The following PTPN3 variants were observed in gnomAD, a reference collection of about 807,000 sequenced individuals.
PTPN3 encodes protein tyrosine phosphatase non-receptor type 3.
Under a neutral mutation model 132.7 loss-of-function variants are expected in PTPN3, and 96 were observed. That is an observed-to-expected ratio of 0.72 (90% CI 0.61 to 0.86). The LOEUF (loss-of-function observed/expected upper bound fraction) is 0.86, where lower values mean the gene tolerates loss of function less well. Ranked by LOEUF, PTPN3 falls within the 40% of genes least tolerant of loss-of-function variation. The probability of loss-of-function intolerance (pLI) is 0.00; values close to 1 mark genes in which losing one functional copy is unlikely to be tolerated. For missense variants in PTPN3, 1,125 were observed against 1,159.6 expected (o/e 0.97, Z 0.43); for synonymous variants, 398 against 429.0 (o/e 0.93, Z 0.89).
At chr9:109,399,039 C>T (rs1236283442) in intron 19 of PTPN3, among the ~76,000 whole-genome samples, 1 of 152,298 alleles carries the variant, frequency 6.6e-6, no homozygotes, top group East Asian at 1.9e-4. Flanking sequence ...AAAAATACCA[C>T]CAAACTGCTC....
upstream of PTPN3, among the ~76,000 whole-genome samples, chr9:109,500,979 G>A (rs1847858144): frequency 6.6e-6 from 1 of 151,810 alleles, no homozygotes; most frequent in South Asian, 2.1e-4. Flanking sequence ...TATAAACATG[G>A]TGTTGACACA....
Position 109,428,661 on chromosome 9 carries a change from A to T in PTPN3, c.788T>A (p.Phe263Tyr). 1 of 1,613,708 alleles carries T rather than the reference A, an allele frequency of 6.2e-7. No individual in the cohort carries two copies. Among genetic ancestry groups the T allele is most frequent in the South Asian group, 1.1e-5 (1 of 91,056 alleles). ...YPWVNILKIS[F>Y]KRKKFFIHQR... is the part of the protein sequence containing the mutation. ...ATGTATGAAGAACTTTTTCCTTTTG[A>T]AAGAAATTTTGAGAATGTTCACCCT... Residue 263 changes from phenylalanine to tyrosine, a missense_variant, in exon 11 of 26, where the codon TTC becomes TAC. Physicochemically the swap from Phe to Tyr is conservative, Grantham distance 22. Transcript: ENST00000374541.
intron 21 of PTPN3, 97 bp downstream of exon 21, chr9:109,391,041 A>C (rs1840036118): frequency 1.8e-6 from 2 of 1,117,964 alleles, no homozygotes; most frequent in Admixed American, 4.3e-5. Context: ...GGTGAACGGG[A>C]AAGCACTGTG....
intron 1 of PTPN3, among the ~76,000 whole-genome samples, chr9:109,468,646 G>A (rs1179460263): frequency 2.0e-5 from 3 of 152,208 alleles, no homozygotes; most frequent in African/African-American, 7.2e-5. Flanking sequence ...GATTACAGGC[G>A]TGAGCCACCG....
the PTPN3 span, among the ~76,000 whole-genome samples, chr9:109,531,059 T>G: frequency 6.6e-6 from 1 of 152,176 alleles, no homozygotes; most frequent in Non-Finnish European, 1.5e-5. Context: ...TGCACCAAAG[T>G]TTTTCATTTT....
intron 22 of PTPN3, among the ~76,000 whole-genome samples, chr9:109,385,371 G>A (rs947021706): frequency 9.2e-5 from 14 of 152,310 alleles, no homozygotes; most frequent in African/African-American, 2.2e-4. Flanking sequence ...CTGCTGCAGC[G>A]AGGGGCGATG....
intron 1 of PTPN3, among the ~76,000 whole-genome samples, chr9:109,494,647 C>T (rs1013785564): frequency 5.9e-5 from 9 of 152,154 alleles, no homozygotes; most frequent in Non-Finnish European, 7.3e-5. Context: ...TGATGCCCAT[C>T]GGAATGAATG....
intron 10 of PTPN3, among the ~76,000 whole-genome samples, chr9:109,430,382 G>C (rs966383557): frequency 2.6e-5 from 4 of 152,086 alleles, no homozygotes; most frequent in African/African-American, 9.7e-5. Context: ...GTGGTTCCTA[G>C]GGCTCCAGCT....
chr9:109,406,879 T>A (rs578221738), intron 17 of PTPN3, among the ~76,000 whole-genome samples: 2 of 152,216 alleles, frequency 1.3e-5, no homozygotes, highest in African/African-American at 4.8e-5. Context: ...TGAAGCCATT[T>A]CTCCGTGGTA....
At chr9:109,507,495 T>C in the PTPN3 span, among the ~76,000 whole-genome samples, 3 of 152,244 alleles carry the variant, frequency 2.0e-5, no homozygotes. Flanking sequence ...GATCTGGTGC[T>C]TCTAGTGTTG....
Position 109,377,371 on chromosome 9 carries a change from G to T in PTPN3, c.*2185C>A. On this transcript the variant is annotated 3_prime_UTR_variant, in exon 26 of 26. Coordinates refer to ENST00000374541, the MANE Select transcript of PTPN3 (RefSeq NM_002829.4). The stretch of plus-strand genomic sequence containing the variant: ...AGGCCAGGAGTTTGAGACCAGCCTA[G>T]GCAACACATCAAGATCCTGTCTCTA... 6.8e-6 allele frequency: 1 copy of T among 147,126 alleles called. No homozygotes were observed. The highest frequency in any genetic ancestry group is 1.5e-5 in the Non-Finnish European group (1 of 67,908). 9.1% of individuals were successfully genotyped at this position (147,126 alleles called of 1,614,324 possible).
At chr9:109,430,171 T>A (rs1843556656) in intron 10 of PTPN3, among the ~76,000 whole-genome samples, 1 of 152,198 alleles carries the variant, frequency 6.6e-6, no homozygotes, top group African/African-American at 2.4e-5. Flanking sequence ...GCCATCTCCC[T>A]GAAGTCGGGG....
chr9:109,497,464 A>G (rs2132135394), intron 1 of PTPN3, among the ~76,000 whole-genome samples: 1 of 152,272 alleles, frequency 6.6e-6, no homozygotes, highest in Admixed American at 6.5e-5. Context: ...CCCAACTTGA[A>G]CGGAGGTCTC....
At chr9:109,429,939 G>A (rs956994889) in intron 10 of PTPN3, among the ~76,000 whole-genome samples, 37 of 152,298 alleles carry the variant, frequency 2.4e-4, no homozygotes, top group African/African-American at 8.2e-4. Flanking sequence ...TAGGTAAAAC[G>A]AAACTTGAAC....
At chr9:109,507,594 A>G in the PTPN3 span, among the ~76,000 whole-genome samples, 1 of 152,216 alleles carries the variant, frequency 6.6e-6, no homozygotes, top group African/African-American at 2.4e-5. Flanking sequence ...ACACACAGTC[A>G]TTGCATCACA....
At chr9:109,534,930 T>C in the PTPN3 span, among the ~76,000 whole-genome samples, 1 of 152,274 alleles carries the variant, frequency 6.6e-6, no homozygotes, top group African/African-American at 2.4e-5. Flanking sequence ...GCTCTTTTTC[T>C]AAACCTATTT....
rs76312528 is a variant in PTPN3 at position 109,421,882 on chromosome 9, A to G, written c.1136+836T>C. On this transcript the variant is annotated intron_variant, in intron 13 of 25. Transcript: ENST00000374541. ...CTGGATCAGGTATTTACAGCCACGCACTCTTACTCCAGTGTGGAGCTGGGG... is the reference window on the plus strand; with the variant it reads ...CTGGATCAGGTATTTACAGCCACGCGCTCTTACTCCAGTGTGGAGCTGGGG... Among the ~76,000 whole-genome samples the G allele has an allele frequency of 2.7e-3, 410 of 151,958 alleles. 6 individuals carry two copies. The highest frequency in any genetic ancestry group is 9.6e-3 in the African/African-American group (397 of 41,412).
chr9:109,533,464 T>G, the PTPN3 span: 1 of 1,558,726 alleles, frequency 6.4e-7, no homozygotes, highest in Non-Finnish European at 8.8e-7. Context: ...GTTTTCTGTG[T>G]GTCTGCGTCG....
chr9:109,382,556 C>A, intron 23 of PTPN3, 109 bp from the exon 24 acceptor site: 1 of 1,266,820 alleles, frequency 7.9e-7, no homozygotes, highest in Non-Finnish European at 1.1e-6. Flanking sequence ...TCTCCCTCTG[C>A]GCACAGCCCT....
Sources: allele counts gnomAD v4.1 joint callset (sites outside exome capture counted in the v4.1 genomes callset), GRCh38; gene constraint gnomAD v4.1.1; transcripts MANE v1.5; gene names NCBI Gene and HGNC (gene_info 2026-07-23, HGNC 2026-07-21).